ABLIM1: variants seen among roughly 807,000 people sequenced by gnomAD.
The protein encoded by ABLIM1 is actin-binding LIM protein 1.
A neutral mutation model predicts 107.0 loss-of-function variants in ABLIM1; 40 were observed. The observed-to-expected ratio is 0.37, with a 90% confidence interval of 0.29 to 0.49. ABLIM1 has a LOEUF of 0.49. Ranked by LOEUF, ABLIM1 falls within the 20% of genes least tolerant of loss-of-function variation. The pLI is 0.97. For missense variants in ABLIM1, 857 were observed against 1,008.5 expected (o/e 0.85, Z 2.04); for synonymous variants, 357 against 357.3 (o/e 1.00, Z 0.01).
At chr10:114,515,237 C>T (rs536147467) in intron 6 of ABLIM1, among the ~76,000 whole-genome samples, 1 of 152,288 alleles carries the variant, frequency 6.6e-6, no homozygotes, top group Admixed American at 6.5e-5. Context: ...TCAAGGCTAC[C>T]CTGCTTTTGG....
chr10:114,496,089 A>G (rs1392038326), intron 6 of ABLIM1, among the ~76,000 whole-genome samples: 2 of 152,252 alleles, frequency 1.3e-5, no homozygotes, highest in East Asian at 1.9e-4. Flanking sequence ...AAGGCACATT[A>G]GTGTGGTTTG....
chr10:114,632,659 T>C, intron 1 of ABLIM1: 1 of 985,400 alleles, frequency 1.0e-6, no homozygotes, highest in Non-Finnish European at 1.2e-6. Context: ...TCTTTCAGGA[T>C]TCTATTCCTT....
intron 2 of ABLIM1, among the ~76,000 whole-genome samples, chr10:114,582,369 C>T (rs1180690088): frequency 6.6e-6 from 1 of 151,964 alleles, no homozygotes; most frequent in Non-Finnish European, 1.5e-5. Context: ...GATGATGCAA[C>T]AAACAAAAAA....
chr10:114,446,852 C>T (rs2061096194), intron 15 of ABLIM1, among the ~76,000 whole-genome samples: 1 of 152,106 alleles, frequency 6.6e-6, no homozygotes, highest in South Asian at 2.1e-4. Context: ...CTTTAGTTTA[C>T]ACTAATGAAA....
At chr10:114,607,540 C>G (rs372183994) in intron 1 of ABLIM1, among the ~76,000 whole-genome samples, 4 of 152,160 alleles carry the variant, frequency 2.6e-5, no homozygotes, top group African/African-American at 9.7e-5. Flanking sequence ...AATGCCCCAG[C>G]CACATGAGCA....
chr10:114,470,770 T>G (rs1300497207), intron 10 of ABLIM1, among the ~76,000 whole-genome samples: 1 of 152,250 alleles, frequency 6.6e-6, no homozygotes, highest in Admixed American at 6.5e-5. Context: ...GTTCTCTATC[T>G]TGAGTTTGCA....
At position 114,473,966 on chromosome 10, in the gene ABLIM1, A is replaced by C. The variant is rs1292692110; in HGVS notation, c.1042-10T>G. On this transcript the variant is annotated splice_polypyrimidine_tract_variant and intron_variant, in intron 8 of 22. Coordinates refer to ENST00000533213, the MANE Select transcript of ABLIM1 (RefSeq NM_002313.7). Reference sequence around the variant, plus strand: ...AGGATGTCCTGGTAGGCTGTAAAATAAACAGTGACTTGTAAGACTTCGGAC... The same window carrying C: ...AGGATGTCCTGGTAGGCTGTAAAATCAACAGTGACTTGTAAGACTTCGGAC... 6.8e-6 allele frequency: 11 copies of C among 1,610,634 alleles called. No individual in the cohort carries two copies. Among genetic ancestry groups the C allele is most frequent in the Non-Finnish European group, 8.5e-6 (10 of 1,177,312 alleles).
intron 6 of ABLIM1, among the ~76,000 whole-genome samples, chr10:114,514,460 A>C (rs2062479796): frequency 6.6e-6 from 1 of 151,978 alleles, no homozygotes; most frequent in South Asian, 2.1e-4. Flanking sequence ...TGCAGACTCG[A>C]CCACCCGGGC....
Position 114,433,534 on chromosome 10 carries a change from G to C in ABLIM1, c.*2726C>G, listed in dbSNP as rs569082766. 4 of 152,240 alleles carry C rather than the reference G, an allele frequency of 2.6e-5. No individual in the cohort carries two copies. The highest frequency in any genetic ancestry group is 5.9e-5 in the Non-Finnish European group (4 of 68,048). 9.4% of individuals were successfully genotyped at this position (152,240 alleles called of 1,614,324 possible). A position where few individuals can be genotyped will look rare whatever the true frequency, so the allele number is the denominator to read the frequency against. On this transcript the variant is annotated 3_prime_UTR_variant, in exon 23 of 23. Coordinates refer to ENST00000533213, the MANE Select transcript of ABLIM1 (RefSeq NM_002313.7). The stretch of plus-strand genomic sequence containing the variant: ...CTTTCTGGCAATGCATTTCTGCAAG[G>C]TGCAGTTTAAATGAACTCATATGGT...
intron 6 of ABLIM1, among the ~76,000 whole-genome samples, chr10:114,535,313 T>C (rs186277819): frequency 1.1e-3 from 170 of 149,464 alleles, no homozygotes; most frequent in African/African-American, 3.9e-3. Context: ...GAATAGAATC[T>C]TTTTTTTTTC....
chr10:114,499,802 G>A (rs562405913), intron 6 of ABLIM1, among the ~76,000 whole-genome samples: 5 of 152,286 alleles, frequency 3.3e-5, no homozygotes, highest in East Asian at 1.9e-4. Flanking sequence ...GCAGAATCAC[G>A]CAAGTTCCCT....
At chr10:114,682,476 T>G (rs2080788548) in intron 1 of ABLIM1, among the ~76,000 whole-genome samples, 1 of 152,206 alleles carries the variant, frequency 6.6e-6, no homozygotes, top group African/African-American at 2.4e-5. Flanking sequence ...TTTCAAAATA[T>G]CCTTTTGTTT....
intron 6 of ABLIM1, among the ~76,000 whole-genome samples, chr10:114,502,932 A>G (rs953047585): frequency 2.0e-5 from 3 of 152,198 alleles, no homozygotes; most frequent in Non-Finnish European, 4.4e-5. Flanking sequence ...AATGATGACT[A>G]TGCCTTCCAA....
intron 1 of ABLIM1, among the ~76,000 whole-genome samples, chr10:114,705,482 G>T (rs944548934): frequency 3.3e-5 from 5 of 152,182 alleles, no homozygotes; most frequent in African/African-American, 4.8e-5. Context: ...GTGGAATCTG[G>T]AGGGGATGTT....
intron 1 of ABLIM1, among the ~76,000 whole-genome samples, chr10:114,625,977 A>C (rs2140539557): frequency 6.6e-6 from 1 of 152,356 alleles, no homozygotes; most frequent in Non-Finnish European, 1.5e-5. Flanking sequence ...TAACATTAAA[A>C]TGAAAATAAA....
intron 6 of ABLIM1, among the ~76,000 whole-genome samples, chr10:114,495,359 A>G (rs1194326506): frequency 1.3e-5 from 2 of 152,092 alleles, no homozygotes; most frequent in Admixed American, 1.3e-4. Context: ...TGGAACCTCT[A>G]TTGTAAAGTA....
At chr10:114,738,704 A>G (rs896786058) in intron 1 of ABLIM1, among the ~76,000 whole-genome samples, 2 of 152,170 alleles carry the variant, frequency 1.3e-5, no homozygotes, top group Non-Finnish European at 2.9e-5. Flanking sequence ...CTGTGCCTCA[A>G]AACCGAAACA....
chr10:114,680,113 T>A (rs7100793), intron 1 of ABLIM1, among the ~76,000 whole-genome samples: 103,075 of 152,204 alleles, frequency 0.68, 34,949 homozygotes, highest in South Asian at 0.7. Flanking sequence ...CTGTTCAACG[T>A]TATAAATAAT....
In ABLIM1 at chr10:114,496,496, T is replaced by C. The variant is rs1452136132; in HGVS notation, c.895-4618A>G. Among the ~76,000 whole-genome samples the C allele has an allele frequency of 3.3e-5, 5 of 151,538 alleles. No homozygotes were observed. In the East Asian group the frequency reaches 9.7e-4, roughly 29 times the overall value. ...GGGGAACAACACACACTGGAGCCTG[T>C]TGGGGGAGGGTGGCGGGGGAAGAGC... is the stretch of plus-strand genomic sequence containing the variant. On this transcript the variant is annotated intron_variant, in intron 6 of 22. Transcript: ENST00000533213.
Sources: allele counts gnomAD v4.1 joint callset (sites outside exome capture counted in the v4.1 genomes callset), GRCh38; gene constraint gnomAD v4.1.1; transcripts MANE v1.5; gene names NCBI Gene and HGNC (gene_info 2026-07-23, HGNC 2026-07-21).